VMP1: variants seen among roughly 807,000 people sequenced by gnomAD.
VMP1 encodes the protein vacuole membrane protein 1.
Under a neutral mutation model 56.0 loss-of-function variants are expected in VMP1, and 11 were observed. That is an observed-to-expected ratio of 0.20 (90% CI 0.12 to 0.32). The LOEUF (loss-of-function observed/expected upper bound fraction) is 0.32. Among genes scored for constraint, VMP1 ranks in the 10% least tolerant of loss-of-function variants. VMP1 has a pLI of 1.00. For synonymous variants in VMP1, 149 were observed against 165.0 expected (o/e 0.90, Z 0.74); for missense variants, 296 against 490.3 (o/e 0.60, Z 3.74).
In VMP1 at chr17:59,737,516, G is replaced by A. The variant is rs1255324811; in HGVS notation, c.276G>A (p.Thr92=). 15 of 1,611,152 alleles carry A rather than the reference G, an allele frequency of 9.3e-6. No homozygotes were observed. The highest frequency in any genetic ancestry group is 5.3e-5 in the African/African-American group (4 of 74,800). ...TGCTGCTTGCTGTGCTTATAGCTAC[G>A]TATTATGTTGAAGGAGTGCATCAAC... ...FLLLLAVLIA[T]YYVEGVHQQY... The change falls in exon 4 of 12, where the codon ACG becomes ACA. Residue 92 remains threonine, a synonymous_variant. Coordinates refer to ENST00000262291, the MANE Select transcript of VMP1 (RefSeq NM_030938.5).
chr17:59,738,412 A>G (rs778651667), intron 4 of VMP1, among the ~76,000 whole-genome samples: 3 of 152,246 alleles, frequency 2.0e-5, no homozygotes, highest in Non-Finnish European at 2.9e-5. Flanking sequence ...GGTATTTTAA[A>G]ACAGTTTACT....
chr17:59,737,170 A>G (rs1425803049), intron 3 of VMP1, among the ~76,000 whole-genome samples: 3 of 152,234 alleles, frequency 2.0e-5, no homozygotes, highest in Non-Finnish European at 1.5e-5. Context: ...TGCTCTTTCT[A>G]TTATACTATA....
intron 5 of VMP1, among the ~76,000 whole-genome samples, chr17:59,750,986 A>G (rs2035621042): frequency 7.9e-6 from 1 of 126,626 alleles, no homozygotes; most frequent in Admixed American, 9.7e-5. Flanking sequence ...AGGCTGGAGT[A>G]CAGTGGTGCA....
At chr17:59,747,567 C>T (rs565047170) in intron 5 of VMP1, among the ~76,000 whole-genome samples, 4 of 151,470 alleles carry the variant, frequency 2.6e-5, no homozygotes, top group African/African-American at 4.8e-5. Context: ...GTGCCACTAC[C>T]GCCCAGCTAA....
At chr17:59,753,560 A>G (rs76580836) in intron 5 of VMP1, among the ~76,000 whole-genome samples, 5,618 of 152,270 alleles carry the variant, frequency 0.037, 372 homozygotes, top group African/African-American at 0.13. Context: ...CCTGTTCTTA[A>G]TAGCAAAGGA....
At position 59,729,197 on chromosome 17, in the gene VMP1, G is replaced by A. The variant is rs538919397; in HGVS notation, c.-26-2224G>A. ...ATTCATCAGTTGATAAGACATTTGG[G>A]TTATAGGCTGGGCGCAGTGGCTCAC... On this transcript the variant is annotated intron_variant, in intron 1 of 11. Coordinates refer to ENST00000262291, the MANE Select transcript of VMP1 (RefSeq NM_030938.5). Among the ~76,000 whole-genome samples the A allele has an allele frequency of 1.1e-4, 16 of 152,072 alleles. No individual in the cohort carries two copies. The East Asian group carries it at 3.1e-3, about 29-fold the overall frequency.
chr17:59,743,681 A>G (rs2035313469), intron 5 of VMP1, among the ~76,000 whole-genome samples: 1 of 151,240 alleles, frequency 6.6e-6, no homozygotes. Flanking sequence ...TACTCTATTG[A>G]TAGAACATGA....
At chr17:59,732,077 T>C (rs965683510) in intron 2 of VMP1, among the ~76,000 whole-genome samples, 6 of 151,980 alleles carry the variant, frequency 3.9e-5, no homozygotes, top group African/African-American at 1.4e-4. Flanking sequence ...TAAAGGAAAA[T>C]GAAAAAAAAG....
At chr17:59,755,744 T>TTTTG (rs1311988620) in intron 5 of VMP1, among the ~76,000 whole-genome samples, 11 of 147,790 alleles carry the variant, frequency 7.4e-5, no homozygotes, top group African/African-American at 2.7e-4. Flanking sequence ...GGTTTTTGGT[T>TTTTG]TTTTTTTTTT....
intron 5 of VMP1, among the ~76,000 whole-genome samples, chr17:59,749,732 A>AC (rs2035570664): frequency 6.6e-6 from 1 of 151,900 alleles, no homozygotes; most frequent in Non-Finnish European, 1.5e-5. Context: ...GCTGGTCTCG[A>AC]ATTCTGACCT....
At chr17:59,729,338 C>A (rs1024519973) in intron 1 of VMP1, among the ~76,000 whole-genome samples, 1 of 151,974 alleles carries the variant, frequency 6.6e-6, no homozygotes, top group Non-Finnish European at 1.5e-5. Context: ...CAAAAATTAG[C>A]CAGGCATGGT....
intron 6 of VMP1, among the ~76,000 whole-genome samples, chr17:59,768,992 A>G (rs1366306627): frequency 6.6e-6 from 1 of 151,326 alleles, no homozygotes; most frequent in East Asian, 2.0e-4. Flanking sequence ...GTAGTGGCGC[A>G]GGTCTGTAAT....
chr17:59,770,728 ACACCAC>A (rs1434529088), intron 6 of VMP1, among the ~76,000 whole-genome samples: 1 of 151,644 alleles, frequency 6.6e-6, no homozygotes, highest in Non-Finnish European at 1.5e-5. Flanking sequence ...TTATAGGCGC[ACACCAC>A]CATACCCGGC....
At chr17:59,830,636 A>G (rs1383584839) in intron 10 of VMP1, among the ~76,000 whole-genome samples, 1 of 152,250 alleles carries the variant, frequency 6.6e-6, no homozygotes, top group African/African-American at 2.4e-5. Flanking sequence ...CAGGAGGGTA[A>G]ATATAACCTA....
intron 1 of VMP1, among the ~76,000 whole-genome samples, chr17:59,727,355 C>T (rs563414084): frequency 1.4e-4 from 22 of 152,086 alleles, no homozygotes; most frequent in South Asian, 2.1e-4. Flanking sequence ...AGGGTGGTCT[C>T]GATCTCCTGA....
chr17:59,717,038 G>A (rs534703591), intron 1 of VMP1, among the ~76,000 whole-genome samples: 1 of 151,596 alleles, frequency 6.6e-6, no homozygotes, highest in Non-Finnish European at 1.5e-5. Flanking sequence ...GGAGTACAGC[G>A]TTGCGATCTC....
intron 5 of VMP1, among the ~76,000 whole-genome samples, chr17:59,761,484 C>A (rs191115881): frequency 5.3e-4 from 81 of 152,194 alleles, no homozygotes; most frequent in African/African-American, 1.9e-3. Flanking sequence ...AATTAAGTTA[C>A]CTGTGGATCA....
At chr17:59,781,723 G>T (rs2036829507) in intron 7 of VMP1, among the ~76,000 whole-genome samples, 1 of 151,906 alleles carries the variant, frequency 6.6e-6, no homozygotes, top group South Asian at 2.1e-4. Flanking sequence ...TTATTATAAT[G>T]AAATGCTGAA....
intron 7 of VMP1, among the ~76,000 whole-genome samples, chr17:59,794,964 C>T (rs1354277937): frequency 1.4e-5 from 2 of 147,844 alleles, no homozygotes; most frequent in Non-Finnish European, 3.0e-5. Context: ...ATTTGGTAAA[C>T]TAATCGTTGG....
Sources: gnomAD v4.1 joint callset for allele counts (sites outside exome capture counted in the v4.1 genomes callset) on GRCh38, gnomAD v4.1.1 for gene constraint, MANE v1.5 for transcripts, NCBI Gene and HGNC (gene_info 2026-07-23, HGNC 2026-07-21) for gene names.